Variants in DOP1B observed in about 807,000 individuals in gnomAD.
DOP1B encodes protein DOP1B.
A neutral mutation model predicts 233.5 loss-of-function variants in DOP1B; 174 were observed. The ratio of observed to expected loss-of-function variants is 0.75; its 90% CI spans 0.66 to 0.85. The LOEUF (loss-of-function observed/expected upper bound fraction) is 0.85, where lower values mean the gene tolerates loss of function less well. DOP1B is among the 40% of genes least tolerant of loss of function. The probability of loss-of-function intolerance (pLI) is 0.00; values close to 1 mark genes in which losing one functional copy is unlikely to be tolerated. For synonymous variants in DOP1B, 1,190 were observed against 1,185.6 expected (o/e 1.00, Z -0.08); for missense variants, 2,652 against 2,846.6 (o/e 0.93, Z 1.56).
intron 2 of DOP1B, among the ~76,000 whole-genome samples, chr21:36,176,097 C>CGTGTGTGTGTGTGTGTGT (rs1555886143): frequency 0.064 from 9,010 of 141,718 alleles, 512 homozygotes; most frequent in African/African-American, 0.15. Context: ...GGTGTGTGTG[C>CGTGTGTGTGTGTGTGTGT]GTGTGTGTGT....
Position 36,278,344 on chromosome 21 carries a change from T to C in DOP1B, c.5958T>C (p.Thr1986=). The change falls in exon 30 of 37, where the codon ACT becomes ACC. Residue 1986 remains threonine, a synonymous_variant. Transcript: ENST00000691173. The part of the protein sequence containing the change: ...FLDPAFFQMD[T]SCVHWKSIID... The stretch of plus-strand genomic sequence containing the variant: ...ACCCCGCTTTCTTTCAGATGGATAC[T>C]TCCTGTGTTCAGTAAGATATGCTGT... 6.2e-7 allele frequency: 1 copy of C among 1,612,546 alleles called. No homozygotes were observed. The highest frequency in any genetic ancestry group is 8.5e-7 in the Non-Finnish European group (1 of 1,179,766).
chr21:36,281,642 T>C (rs752945337), intron 32 of DOP1B, 31 bp downstream of exon 32: 1 of 1,510,650 alleles, frequency 6.6e-7, no homozygotes, highest in South Asian at 1.3e-5. Context: ...TGTTTTTTGC[T>C]GCTATAACAG....
intron 2 of DOP1B, among the ~76,000 whole-genome samples, chr21:36,186,469 G>C (rs182219752): frequency 6.9e-4 from 105 of 152,234 alleles, no homozygotes; most frequent in Non-Finnish European, 1.2e-3. Context: ...TTGTGTGCCT[G>C]CATGTGTGGA....
intron 36 of DOP1B, 40 bp downstream of exon 36, chr21:36,292,273 G>GTTTTT (rs1569075433): frequency 1.4e-6 from 2 of 1,381,736 alleles, no homozygotes; most frequent in Non-Finnish European, 9.6e-7. Context: ...TTTTTTTTTG[G>GTTTTT]TGAGACAGAG....
intron 24 of DOP1B, chr21:36,261,568 T>A: frequency 1.0e-6 from 1 of 985,306 alleles, no homozygotes. Flanking sequence ...CTCATTCAGA[T>A]CTTACAATGG....
intron 2 of DOP1B, among the ~76,000 whole-genome samples, chr21:36,190,554 C>G (rs9975167): frequency 0.14 from 21,446 of 151,752 alleles, 1,828 homozygotes; most frequent in South Asian, 0.21. Flanking sequence ...TGTGCTACTA[C>G]GCCTGGCTAA....
intron 12 of DOP1B, among the ~76,000 whole-genome samples, chr21:36,226,622 G>A (rs746418760): frequency 3.3e-5 from 5 of 150,222 alleles, no homozygotes; most frequent in Non-Finnish European, 7.4e-5. Context: ...TTGAGATAGA[G>A]CCTCACTGTC....
intron 15 of DOP1B, among the ~76,000 whole-genome samples, chr21:36,234,961 G>A (rs2066809566): frequency 6.6e-6 from 1 of 152,090 alleles, no homozygotes; most frequent in South Asian, 2.1e-4. Context: ...ATCACCTTAA[G>A]CATTTATCAT....
intron 13 of DOP1B, among the ~76,000 whole-genome samples, chr21:36,230,015 A>G (rs1057297811): frequency 1.3e-5 from 2 of 150,544 alleles, no homozygotes; most frequent in Admixed American, 6.6e-5. Context: ...TTCCTCATTC[A>G]TATTTGTTAA....
intron 1 of DOP1B, among the ~76,000 whole-genome samples, chr21:36,162,273 C>T (rs557720301): frequency 6.6e-6 from 1 of 152,160 alleles, no homozygotes; most frequent in Non-Finnish European, 1.5e-5. Flanking sequence ...TGGCTCACTG[C>T]AGCCTCAACC....
intron 2 of DOP1B, among the ~76,000 whole-genome samples, chr21:36,188,368 C>CCA (rs1219297958): frequency 6.6e-6 from 1 of 152,204 alleles, no homozygotes; most frequent in South Asian, 2.1e-4. Context: ...GTTTCTCCAG[C>CCA]TTATCTCTTG....
rs1200484903 is a variant in DOP1B at position 36,247,517 on chromosome 21, C to T, written c.4698C>T (p.Ser1566=). 6.3e-7 allele frequency: 1 copy of T among 1,593,964 alleles called. No homozygotes were observed. The highest frequency in any genetic ancestry group is 8.5e-7 in the Non-Finnish European group (1 of 1,173,782). ...CCAGTTTCTCTTTTCTTCACCACAG[C>T]ACAACCTCCAAGAGGGAAAACATTT... ...YESESVKLSV[S]TTSKRENISP... is the part of the protein sequence containing the mutation. Residue 1566 remains serine, a splice_region_variant and synonymous_variant, in exon 20 of 37, where the codon AGC becomes AGT. Coordinates refer to ENST00000691173, the MANE Select transcript of DOP1B (RefSeq NM_001320714.2).
At chr21:36,253,994 G>A in intron 23 of DOP1B, 85 bp downstream of exon 23, 1 of 1,496,800 alleles carries the variant, frequency 6.7e-7, no homozygotes, top group South Asian at 1.3e-5. Flanking sequence ...AATCGTGTTT[G>A]GGAGGGAAGG....
At chr21:36,289,618 G>A (rs1419932463) in intron 35 of DOP1B, among the ~76,000 whole-genome samples, 2 of 152,092 alleles carry the variant, frequency 1.3e-5, no homozygotes, top group Non-Finnish European at 2.9e-5. Context: ...TTGCCCCATA[G>A]GCTTATGTTT....
intron 24 of DOP1B, 64 bp downstream of exon 24, chr21:36,260,796 A>G: frequency 1.3e-6 from 2 of 1,593,678 alleles, no homozygotes; most frequent in African/African-American, 1.4e-5. Context: ...GTGAGCATGC[A>G]TAATAAATAT....
chr21:36,263,656 A>G lies in DOP1B; in HGVS notation c.5420+6A>G, dbSNP rs755593081. On this transcript the variant is annotated splice_donor_region_variant and intron_variant, in intron 25 of 36. Transcript: ENST00000691173. ...GGGTATTTTCTGCTTCTCAGGTATCATGTCACCACATTGTCATTGTGTAAT... is the reference window on the plus strand; with the variant it reads ...GGGTATTTTCTGCTTCTCAGGTATCGTGTCACCACATTGTCATTGTGTAAT... 2.5e-6 allele frequency: 4 copies of G among 1,613,442 alleles called. No homozygotes were observed. Among genetic ancestry groups the G allele is most frequent in the South Asian group, 1.1e-5 (1 of 91,066 alleles).
intron 2 of DOP1B, among the ~76,000 whole-genome samples, chr21:36,174,799 C>T (rs147856449): frequency 4.6e-5 from 7 of 152,302 alleles, no homozygotes; most frequent in African/African-American, 1.2e-4. Context: ...CGTGCCTGGC[C>T]GGGATCCTGA....
chr21:36,159,631 T>C (rs1310820629), intron 1 of DOP1B, among the ~76,000 whole-genome samples: 1 of 152,240 alleles, frequency 6.6e-6, no homozygotes, highest in African/African-American at 2.4e-5. Flanking sequence ...TTTCTTCATA[T>C]GGCCAACCAT....
chr21:36,271,716 C>T (rs1166879743), intron 27 of DOP1B, among the ~76,000 whole-genome samples: 1 of 152,058 alleles, frequency 6.6e-6, no homozygotes, highest in Non-Finnish European at 1.5e-5. Context: ...TTCACTGAGC[C>T]TCAGTGGGGC....
Sources: allele counts gnomAD v4.1 joint callset (sites outside exome capture counted in the v4.1 genomes callset), GRCh38; gene constraint gnomAD v4.1.1; transcripts MANE v1.5; gene names NCBI Gene and HGNC (gene_info 2026-07-23, HGNC 2026-07-21).